The following SEC23IP variants were observed in gnomAD, a reference collection of about 807,000 sequenced individuals.
SEC23IP encodes the protein SEC23 interacting protein, also known as SEC23-interacting protein.
In SEC23IP, 70 loss-of-function variants were observed where a neutral mutation model predicts 113.4. That is an observed-to-expected ratio of 0.62 (90% CI 0.51 to 0.75). The LOEUF (loss-of-function observed/expected upper bound fraction) is 0.75, where lower values mean the gene tolerates loss of function less well. SEC23IP is among the 30% of genes least tolerant of loss of function. The probability of loss-of-function intolerance (pLI) is 0.00; values close to 1 mark genes in which losing one functional copy is unlikely to be tolerated. For synonymous variants in SEC23IP, 398 were observed against 421.0 expected, an observed-to-expected ratio of 0.95 and a Z score of 0.67; for missense variants, 1,160 against 1,204.9, an observed-to-expected ratio of 0.96 and a Z score of 0.55.
At chr10:119,913,637 G>A (rs578160109) in intron 6 of SEC23IP, among the ~76,000 whole-genome samples, 21 of 151,634 alleles carry the variant, frequency 1.4e-4, no homozygotes, top group Admixed American at 1.3e-3. Flanking sequence ...GATTACAGGC[G>A]CCCACCACCA....
intron 18 of SEC23IP, among the ~76,000 whole-genome samples, chr10:119,938,466 C>G (rs1189830596): frequency 6.6e-6 from 1 of 152,140 alleles, no homozygotes; most frequent in African/African-American, 2.4e-5. Flanking sequence ...TTTAGTCCCC[C>G]ACTTTTTGTG....
intron 13 of SEC23IP, among the ~76,000 whole-genome samples, chr10:119,927,525 A>G (rs1855461120): frequency 2.6e-5 from 4 of 151,988 alleles, no homozygotes; most frequent in South Asian, 2.1e-4. Context: ...CTTCTTTTCT[A>G]TGTCATATTC....
At chr10:119,937,070 G>T (rs554996374) in intron 18 of SEC23IP, among the ~76,000 whole-genome samples, 1 of 151,470 alleles carries the variant, frequency 6.6e-6, no homozygotes, top group South Asian at 2.1e-4. Context: ...TGTATTTTTA[G>T]TAGAGACGGG....
At position 119,892,750 on chromosome 10, in the gene SEC23IP, C is replaced by CCGGAGA. The variant is rs1307788277; in HGVS notation, c.-30_-25dup. On this transcript the variant is annotated 5_prime_UTR_variant, in exon 1 of 19. Transcript: ENST00000369075. ...CGGTCAGTGGTGTGGTACCGGGTAC[C>CCGGAGA]CGGAGACGTGTATCGGACGGTGGGC... The CCGGAGA allele has an allele frequency of 1.3e-6, 2 of 1,578,870 alleles. No homozygotes were observed. Among genetic ancestry groups the CCGGAGA allele is most frequent in the East Asian group, 4.6e-5 (2 of 43,642 alleles).
intron 6 of SEC23IP, chr10:119,914,398 C>T (rs899866726): frequency 1.5e-5 from 4 of 262,990 alleles, no homozygotes; most frequent in African/African-American, 8.8e-5. Context: ...TCTGAGTAAT[C>T]TCCACTGGGG....
At chr10:119,939,478 C>T (rs1655372799) in intron 18 of SEC23IP, among the ~76,000 whole-genome samples, 1 of 151,962 alleles carries the variant, frequency 6.6e-6, no homozygotes, top group Non-Finnish European at 1.5e-5. Flanking sequence ...GAGTTCGAGA[C>T]CAGCCTGGCC....
Position 119,902,979 on chromosome 10 carries a change from T to C in SEC23IP, c.877T>C (p.Ser293Pro). 6.2e-7 allele frequency: 1 copy of C among 1,614,050 alleles called. No individual in the cohort carries two copies. The highest frequency in any genetic ancestry group is 1.1e-5 in the South Asian group (1 of 91,048). The change falls in exon 3 of 19, where the codon TCT (serine) becomes CCT (proline). Residue 293 changes from serine to proline, a missense_variant. Transcript: ENST00000369075. ...QLWMPFSVFD[S>P]LNLEEIYNSV... ...GTGGATGCCTTTTAGTGTGTTCGAC[T>C]CTTTGAATCTTGAAGAAATCTATAA...
chr10:119,936,337 A>G (rs1855779234), intron 18 of SEC23IP, among the ~76,000 whole-genome samples: 1 of 151,926 alleles, frequency 6.6e-6, no homozygotes, highest in African/African-American at 2.4e-5. Flanking sequence ...CGGGCAGATC[A>G]CTTGAGGTCA....
intron 13 of SEC23IP, among the ~76,000 whole-genome samples, 196 bp downstream of exon 13, chr10:119,926,423 T>C (rs1855424474): frequency 6.6e-6 from 1 of 152,260 alleles, no homozygotes; most frequent in East Asian, 1.9e-4. Flanking sequence ...ACAGAACGTG[T>C]TGTCTAACTT....
At chr10:119,933,649 A>C (rs755292904) in intron 17 of SEC23IP, 37 bp from the exon 18 acceptor site, 1 of 1,161,336 alleles carries the variant, frequency 8.6e-7, no homozygotes, top group Non-Finnish European at 1.3e-6. Flanking sequence ...ATTTCTTCTA[A>C]TTGTCTCTTA....
At chr10:119,916,045 C>A (rs2134490249) in intron 8 of SEC23IP, among the ~76,000 whole-genome samples, 156 bp downstream of exon 8, 1 of 152,298 alleles carries the variant, frequency 6.6e-6, no homozygotes, top group Non-Finnish European at 1.5e-5. Context: ...AAAGTTTACA[C>A]ACTACTTTTC....
intron 1 of SEC23IP, among the ~76,000 whole-genome samples, chr10:119,894,434 C>G (rs1854202297): frequency 1.3e-5 from 2 of 152,222 alleles, no homozygotes; most frequent in African/African-American, 4.8e-5. Context: ...TTGTCACTAC[C>G]TGACATGTAC....
chr10:119,894,908 G>T (rs1330957235), intron 1 of SEC23IP, among the ~76,000 whole-genome samples: 1 of 151,516 alleles, frequency 6.6e-6, no homozygotes, highest in Non-Finnish European at 1.5e-5. Flanking sequence ...GTGTGTGTGT[G>T]TGTGTGTGTG....
intron 1 of SEC23IP, 23 bp downstream of exon 1, chr10:119,892,968 G>A (rs759152462): frequency 1.3e-6 from 2 of 1,598,196 alleles, no homozygotes; most frequent in South Asian, 2.2e-5. Context: ...GGGCGGCCCC[G>A]TGTGTGGTGG....
chr10:119,932,915 C>A, intron 16 of SEC23IP, 90 bp from the exon 17 acceptor site: 1 of 1,133,758 alleles, frequency 8.8e-7, no homozygotes, highest in Non-Finnish European at 1.3e-6. Context: ...ATGCGTCAAG[C>A]AGTATTCTCA....
chr10:119,929,707 T>C lies in SEC23IP; in HGVS notation c.2414T>C (p.Ile805Thr). The C allele has an allele frequency of 6.2e-7, 1 of 1,600,712 alleles. No individual in the cohort carries two copies. The highest frequency in any genetic ancestry group is 1.1e-5 in the South Asian group (1 of 90,822). Reference sequence around the variant, plus strand: ...CTCACTATTCGAGGAGTTGATAGGATAGATGAGAATTACAGCCTTCCTACC... The same window carrying C: ...CTCACTATTCGAGGAGTTGATAGGACAGATGAGAATTACAGCCTTCCTACC... Reference protein sequence around the residue: ...MFLTIRGVDRIDENYSLPTCK... With the variant: ...MFLTIRGVDRTDENYSLPTCK... The change falls in exon 14 of 19, where the codon ATA (isoleucine) becomes ACA (threonine). Residue 805 changes from isoleucine (I) to threonine (T), a missense_variant. Physicochemically the swap from Ile to Thr is moderately conservative, Grantham distance 89. Transcript: ENST00000369075.
chr10:119,915,919 G>T (rs781306287), intron 8 of SEC23IP, 30 bp downstream of exon 8: 1 of 1,437,460 alleles, frequency 7.0e-7, no homozygotes, highest in Non-Finnish European at 9.2e-7. Flanking sequence ...TTGTTTTTCA[G>T]ATTAGTCATA....
chr10:119,942,173 G>C lies in SEC23IP; in HGVS notation c.*1608G>C, dbSNP rs1165727514. ...ATCTGATTTTTGTTTGTGTCATTCA[G>C]CCTGTCTTCTGAGTAATGGGCAGAG... On this transcript the variant is annotated 3_prime_UTR_variant, in exon 19 of 19. Transcript: ENST00000369075. 2.0e-5 allele frequency: 3 copies of C among 152,066 alleles called. No homozygotes were observed. The highest frequency in any genetic ancestry group is 4.4e-5 in the Non-Finnish European group (3 of 68,034). The allele number at this position is 152,066 out of a possible 1,614,324, so 9.4% of individuals were successfully genotyped here. A position where few individuals can be genotyped will look rare whatever the true frequency, so the allele number is the denominator to read the frequency against.
In SEC23IP at chr10:119,943,793, A is replaced by G. The variant is rs1232278686; in HGVS notation, c.*3228A>G. On this transcript the variant is annotated 3_prime_UTR_variant, in exon 19 of 19. Transcript: ENST00000369075. ...TTTCAATATATGAAATTTTATGATG[A>G]CACATAAAACAGGCCAGGGGTTATT... The G allele has an allele frequency of 2.6e-5, 4 of 152,160 alleles. No individual in the cohort carries two copies. In the East Asian group the frequency reaches 7.7e-4, roughly 29 times the overall value. The allele number at this position is 152,160 out of a possible 1,614,324, so 9.4% of individuals were successfully genotyped here.
Sources: allele counts gnomAD v4.1 joint callset (sites outside exome capture counted in the v4.1 genomes callset), GRCh38; gene constraint gnomAD v4.1.1; transcripts MANE v1.5; gene names NCBI Gene and HGNC (gene_info 2026-07-23, HGNC 2026-07-21).